The following ESR1 variants were observed in gnomAD, a reference collection of about 807,000 sequenced individuals.
ESR1 encodes estrogen receptor.
ESR1 carries 12 observed loss-of-function variants against 52.7 expected under a neutral mutation model. The ratio of observed to expected loss-of-function variants is 0.23; its 90% confidence interval spans 0.15 to 0.37. ESR1 has a LOEUF of 0.37. Among genes scored for constraint, ESR1 ranks in the 10% least tolerant of loss-of-function variants. ESR1 has a pLI of 1.00. For missense variants in ESR1, 584 were observed against 779.7 expected, an observed-to-expected ratio of 0.75 and a Z score of 2.99; for synonymous variants, 305 against 316.8, an observed-to-expected ratio of 0.96 and a Z score of 0.39.
intron 2 of ESR1, among the ~76,000 whole-genome samples, chr6:151,798,308 C>G (rs1033593245): frequency 6.6e-6 from 1 of 151,768 alleles, no homozygotes; most frequent in Admixed American, 6.6e-5. Flanking sequence ...GAGATGAACT[C>G]GACAGCATGA....
At chr6:151,987,987 C>G (rs1200138011) in intron 4 of ESR1, among the ~76,000 whole-genome samples, 1 of 152,018 alleles carries the variant, frequency 6.6e-6, no homozygotes, top group East Asian at 1.9e-4. Flanking sequence ...AATTAAAAGC[C>G]TAAACTCAGT....
intron 4 of ESR1, among the ~76,000 whole-genome samples, chr6:151,965,697 A>G (rs2038193010): frequency 6.6e-6 from 1 of 152,106 alleles, no homozygotes; most frequent in Admixed American, 6.6e-5. Context: ...TGACTTATCA[A>G]CTTTGGACAT....
upstream of ESR1, among the ~76,000 whole-genome samples, chr6:151,686,897 C>A (rs570911410): frequency 7.2e-5 from 11 of 152,298 alleles, no homozygotes; most frequent in South Asian, 2.1e-3. Flanking sequence ...GCCAACCATG[C>A]GGCTATAGCC....
At chr6:152,068,301 A>G (rs548629453) in intron 6 of ESR1, among the ~76,000 whole-genome samples, 1 of 152,382 alleles carries the variant, frequency 6.6e-6, no homozygotes, top group South Asian at 2.1e-4. Context: ...TACTTAAAAT[A>G]TAACTGCTAG....
Position 152,098,232 on chromosome 6 carries a change from A to G in ESR1, c.1554-500A>G, listed in dbSNP as rs112536262. ...TGGGCCTTGTTGAACATGGAAAGGC[A>G]TTTAGATCGTATTCTGAGTTAAATG... On this transcript the variant is annotated intron_variant, in intron 7 of 7. Coordinates refer to ENST00000206249, the MANE Select transcript of ESR1 (RefSeq NM_000125.4). This position sits in a 1 kb window ranked among gnomAD's most constrained non-coding sequence, Gnocchi z 5.1. Among the ~76,000 whole-genome samples, 5 of 152,312 alleles carry G rather than the reference A, an allele frequency of 3.3e-5. No individual in the cohort carries two copies. The highest frequency in any genetic ancestry group is 9.6e-5 in the African/African-American group (4 of 41,580).
At chr6:151,750,937 G>GA (rs1232560895) in intron 2 of ESR1, among the ~76,000 whole-genome samples, 2 of 152,128 alleles carry the variant, frequency 1.3e-5, no homozygotes, top group Non-Finnish European at 2.9e-5. Flanking sequence ...TCAAATGGAG[G>GA]AAAAAAATGG....
Position 152,053,819 on chromosome 6 carries a change from A to G in ESR1, c.1236-7172A>G, listed in dbSNP as rs68148135. ...GGAAGGCGTTTTGGCAATACTTAGT[A>G]AAAGGTTAAATGTTTACACCCCTTG... On this transcript the variant is annotated intron_variant, in intron 5 of 7. Coordinates refer to ENST00000206249, the MANE Select transcript of ESR1 (RefSeq NM_000125.4). The surrounding 1 kb of genome is among the most constrained non-coding windows in gnomAD (Gnocchi z 4.1). 0.22 allele frequency among the ~76,000 whole-genome samples: 33,255 copies of G among 152,052 alleles called. 5,280 individuals are homozygous for G. The highest frequency in any genetic ancestry group is 0.43 in the African/African-American group (18,014 of 41,440).
intron 6 of ESR1, among the ~76,000 whole-genome samples, chr6:152,077,215 G>A (rs372620196): frequency 6.7e-5 from 9 of 134,838 alleles, no homozygotes; most frequent in African/African-American, 9.4e-5. Flanking sequence ...GAGGTACCAC[G>A]GTTTCAGAGG....
Position 151,920,593 on chromosome 6 carries a change from A to G in ESR1, c.761-23580A>G, listed in dbSNP as rs1393704594. Among the ~76,000 whole-genome samples the G allele has an allele frequency of 5.3e-5, 8 of 152,230 alleles. No homozygotes were observed. In the East Asian group the frequency reaches 1.5e-3, roughly 29 times the overall value. On this transcript the variant is annotated intron_variant, in intron 3 of 7. Coordinates refer to ENST00000206249, the MANE Select transcript of ESR1 (RefSeq NM_000125.4). ...GTTGTCATGTCTTCCCAGGCTCGCC[A>G]TGGTTGTGACAGTTTCTGAGACTTT...
chr6:152,023,045 G>A (rs1363668418), intron 5 of ESR1, among the ~76,000 whole-genome samples: 3 of 151,798 alleles, frequency 2.0e-5, no homozygotes, highest in Non-Finnish European at 4.4e-5. Flanking sequence ...GAGATGGACA[G>A]GAGTAAGAAG....
rs1433798768 is a variant in ESR1, at chr6:152,061,629, A to G, written c.1369+505A>G. ...AAAACAGAAGAATGTGGAATGCAAT[A>G]AATTGTCCAGCTGAAAGAACATTTT... On this transcript the variant is annotated intron_variant, in intron 6 of 7. Transcript: ENST00000206249. The surrounding 1 kb of genome is among the most constrained non-coding windows in gnomAD (Gnocchi z 4.3). Among the ~76,000 whole-genome samples, 1 of 152,226 alleles carries G rather than the reference A, an allele frequency of 6.6e-6. No homozygotes were observed.
At chr6:152,018,321 A>AT (rs966775214) in intron 5 of ESR1, among the ~76,000 whole-genome samples, 15 of 151,798 alleles carry the variant, frequency 9.9e-5, no homozygotes, top group African/African-American at 1.9e-4. Context: ...CAAAAAAAAA[A>AT]ATGCCCAAAA....
chr6:151,668,069 G>A (rs371374173), intron 1 of ESR1, among the ~76,000 whole-genome samples: 61 of 152,224 alleles, frequency 4.0e-4, no homozygotes, highest in African/African-American at 1.1e-3. Context: ...AGTCTATTCT[G>A]TGCTGCTATA....
chr6:151,675,826 T>C (rs1778231388), intron 1 of ESR1, among the ~76,000 whole-genome samples: 2 of 152,202 alleles, frequency 1.3e-5, no homozygotes, highest in South Asian at 4.1e-4. Flanking sequence ...AAAATTCGAA[T>C]TGATGCCGGA....
At chr6:151,693,002 G>A (rs928321414) in intron 1 of ESR1, among the ~76,000 whole-genome samples, 1 of 152,158 alleles carries the variant, frequency 6.6e-6, no homozygotes, top group African/African-American at 2.4e-5. Context: ...AAATGACTGA[G>A]TACCAGCCAT....
intron 3 of ESR1, among the ~76,000 whole-genome samples, chr6:151,899,439 C>T (rs1387176350): frequency 7.1e-6 from 1 of 139,898 alleles, no homozygotes; most frequent in African/African-American, 2.7e-5. Context: ...CAGAGGCGCC[C>T]CTCACCTCCC....
chr6:152,013,339 C>T (rs550871986), intron 5 of ESR1, among the ~76,000 whole-genome samples: 9 of 152,232 alleles, frequency 5.9e-5, no homozygotes, highest in African/African-American at 1.4e-4. Flanking sequence ...TTAGACCACA[C>T]GTAACATTTC....
At chr6:151,865,663 A>C (rs1223543639) in intron 2 of ESR1, among the ~76,000 whole-genome samples, 1 of 152,190 alleles carries the variant, frequency 6.6e-6, no homozygotes, top group African/African-American at 2.4e-5. Context: ...AAAAGAGAAT[A>C]ATTGAAGTTT....
chr6:151,979,884 C>A (rs1421453575), intron 4 of ESR1, among the ~76,000 whole-genome samples: 2 of 152,080 alleles, frequency 1.3e-5, no homozygotes. Flanking sequence ...CAAGCAGAGT[C>A]TTTGCTGTTG....
Sources: allele counts gnomAD v4.1 joint callset (sites outside exome capture counted in the v4.1 genomes callset), GRCh38; gene constraint gnomAD v4.1.1; non-coding constraint Gnocchi (gnomAD v3.1); transcripts MANE v1.5; gene names NCBI Gene and HGNC (gene_info 2026-07-23, HGNC 2026-07-21).